CAPS2: variants seen among roughly 807,000 people sequenced by gnomAD.
CAPS2 encodes calcyphosin-2.
A neutral mutation model predicts 86.5 loss-of-function variants in CAPS2; 98 were observed. The observed-to-expected ratio is 1.13, with a 90% CI of 0.96 to 1.34. CAPS2 has a LOEUF of 1.34. CAPS2 is among the 40% of genes most tolerant of loss of function. CAPS2 has a pLI of 0.00. For missense variants in CAPS2, 729 were observed against 686.8 expected, an observed-to-expected ratio of 1.06 and a Z score of -0.69; for synonymous variants, 210 against 225.1, an observed-to-expected ratio of 0.93 and a Z score of 0.60.
chr12:75,293,419 A>G (rs1355002953), intron 11 of CAPS2, 52 bp from the exon 12 acceptor site: 1 of 1,048,352 alleles, frequency 9.5e-7, no homozygotes, highest in Admixed American at 2.0e-5. Context: ...GAAATAAAAT[A>G]TAACTAACAT....
intron 11 of CAPS2, among the ~76,000 whole-genome samples, chr12:75,297,878 T>A (rs2037161692): frequency 6.6e-6 from 1 of 152,130 alleles, no homozygotes; most frequent in Non-Finnish European, 1.5e-5. Flanking sequence ...TAACTCCTAG[T>A]CAAGGGTAGA....
chr12:75,288,829 G>A (rs1402194230), intron 14 of CAPS2, among the ~76,000 whole-genome samples: 1 of 152,122 alleles, frequency 6.6e-6, no homozygotes, highest in Non-Finnish European at 1.5e-5. Flanking sequence ...CCACCCTGAT[G>A]AGACTTAATG....
At chr12:75,283,318 T>C (rs2034307738) in intron 15 of CAPS2, among the ~76,000 whole-genome samples, 1 of 152,160 alleles carries the variant, frequency 6.6e-6, no homozygotes, top group East Asian at 1.9e-4. Flanking sequence ...TCAAGTCTGG[T>C]TATTCATAAT....
rs374849329 is a variant in CAPS2 at position 75,347,755 on chromosome 12, G to A, written c.-394-24533C>T. ...ATTTTCTCTTAAAAATATTTTAATT[G>A]AAATTAATGTTGATGATGGTTGCCA... is the stretch of plus-strand genomic sequence containing the variant. On this transcript the variant is annotated intron_variant, in intron 1 of 5. Coordinates refer to the CAPS2 transcript ENST00000551829. 647 of 1,416,020 alleles carry A rather than the reference G, an allele frequency of 4.6e-4. 11 individuals are homozygous for A. The South Asian group carries it at 5.1e-3, about 11-fold the overall frequency. The allele number at this position is 1,416,020 out of a possible 1,614,324, so 87.7% of individuals were successfully genotyped here.
chr12:75,373,336 A>G (rs2044475297), intron 1 of CAPS2, among the ~76,000 whole-genome samples: 1 of 152,138 alleles, frequency 6.6e-6, no homozygotes, highest in Non-Finnish European at 1.5e-5. Context: ...CCTGAGGTCA[A>G]CCTTTGGTGA....
intron 1 of CAPS2, among the ~76,000 whole-genome samples, chr12:75,376,249 G>A (rs1375066071): frequency 6.6e-6 from 1 of 152,088 alleles, no homozygotes; most frequent in Non-Finnish European, 1.5e-5. Context: ...TCCCTGTTTA[G>A]TGGGCCCATA....
chr12:75,370,311 T>A (rs539632107), intron 1 of CAPS2: 3 of 562,148 alleles, frequency 5.3e-6, no homozygotes, highest in East Asian at 5.6e-5. Context: ...TAATGTTTGT[T>A]TTTAACTCAA....
At chr12:75,321,164 T>C (rs751245583) in intron 5 of CAPS2, among the ~76,000 whole-genome samples, 1 of 152,120 alleles carries the variant, frequency 6.6e-6, no homozygotes, top group Non-Finnish European at 1.5e-5. Flanking sequence ...GACAAAACTA[T>C]ATGGCTATAA....
intron 1 of CAPS2, among the ~76,000 whole-genome samples, chr12:75,338,832 ATAAG>A (rs57920594): frequency 0.3 from 45,300 of 151,854 alleles, 7,755 homozygotes; most frequent in East Asian, 0.44. Flanking sequence ...GCTCCCACTT[ATAAG>A]TGAGAACATG....
intron 1 of CAPS2, among the ~76,000 whole-genome samples, chr12:75,347,073 T>C (rs946604598): frequency 2.0e-5 from 3 of 151,590 alleles, no homozygotes; most frequent in Non-Finnish European, 2.9e-5. Flanking sequence ...TCTTTGCAAC[T>C]AGATAAAAAT....
Position 75,284,267 on chromosome 12 carries a change from A to T in CAPS2, c.1515+694T>A, listed in dbSNP as rs191918813. Among the ~76,000 whole-genome samples, 118 of 152,292 alleles carry T rather than the reference A, an allele frequency of 7.7e-4. 1 individual carries two copies. Among genetic ancestry groups the T allele is most frequent in the African/African-American group, 2.7e-3 (114 of 41,580 alleles). On this transcript the variant is annotated intron_variant, in intron 15 of 16. Transcript: ENST00000393284. ...AGTAAAAGTAGAGACTAATTTCTCT[A>T]TTTGGGATTTCTATAGTTATTTACA...
chr12:75,386,198 C>A (rs2045281714), intron 1 of CAPS2, among the ~76,000 whole-genome samples: 1 of 152,058 alleles, frequency 6.6e-6, no homozygotes, highest in Non-Finnish European at 1.5e-5. Flanking sequence ...CCCTGAACAG[C>A]CAATACATTG....
chr12:75,386,180 C>T (rs562101796), intron 1 of CAPS2, among the ~76,000 whole-genome samples: 2 of 151,794 alleles, frequency 1.3e-5, no homozygotes, highest in Non-Finnish European at 2.9e-5. Flanking sequence ...TATGAAGAGG[C>T]AAAAAAACCC....
chr12:75,305,637 C>A, intron 7 of CAPS2: 1 of 624,716 alleles, frequency 1.6e-6, no homozygotes, highest in South Asian at 1.4e-5. Flanking sequence ...CAGCAGGCCG[C>A]GGAGAAGGGC....
At chr12:75,297,544 C>A (rs1035611936) in intron 11 of CAPS2, among the ~76,000 whole-genome samples, 8 of 152,132 alleles carry the variant, frequency 5.3e-5, no homozygotes, top group African/African-American at 1.9e-4. Flanking sequence ...TGTATCTAGT[C>A]TTCAATTCCT....
At chr12:75,292,352 C>T (rs2036123406) in intron 12 of CAPS2, among the ~76,000 whole-genome samples, 1 of 151,932 alleles carries the variant, frequency 6.6e-6, no homozygotes, top group African/African-American at 2.4e-5. Context: ...AGGAGTGAGC[C>T]GCTGCGCCTG....
At chr12:75,383,804 G>C (rs1418283145) in intron 1 of CAPS2, among the ~76,000 whole-genome samples, 1 of 152,066 alleles carries the variant, frequency 6.6e-6, no homozygotes, top group Admixed American at 6.6e-5. Flanking sequence ...AACAAATTTA[G>C]AATAGAAATC....
chr12:75,375,270 C>G (rs908972225), intron 1 of CAPS2, among the ~76,000 whole-genome samples: 1 of 152,166 alleles, frequency 6.6e-6, no homozygotes, highest in Admixed American at 6.5e-5. Context: ...TGAGTCAGAA[C>G]TGAGCTAAAA....
intron 5 of CAPS2, among the ~76,000 whole-genome samples, chr12:75,320,968 G>T (rs1189913406): frequency 6.6e-6 from 1 of 151,866 alleles, no homozygotes; most frequent in East Asian, 1.9e-4. Context: ...TGAGACAAAA[G>T]ACAGTAATGA....
Sources: allele counts gnomAD v4.1 joint callset (sites outside exome capture counted in the v4.1 genomes callset), GRCh38; gene constraint gnomAD v4.1.1; transcripts MANE v1.5; gene names NCBI Gene and HGNC (gene_info 2026-07-23, HGNC 2026-07-21).